The following TTC12 variants were observed in gnomAD, a reference collection of about 807,000 sequenced individuals.
TTC12 encodes tetratricopeptide repeat protein 12.
A neutral mutation model predicts 90.1 loss-of-function variants in TTC12; 70 were observed. The ratio of observed to expected loss-of-function variants is 0.78; its 90% CI spans 0.64 to 0.95. TTC12 has a LOEUF of 0.95. Ranked by LOEUF, TTC12 falls within the 40% of genes least tolerant of loss-of-function variation. TTC12 has a pLI of 0.00. For missense variants in TTC12, 819 were observed against 846.1 expected (o/e 0.97, Z 0.40); for synonymous variants, 296 against 311.5 (o/e 0.95, Z 0.53).
chr11:113,351,968 G>A (rs1258523119), intron 15 of TTC12, 102 bp from the exon 16 acceptor site: 1 of 1,356,210 alleles, frequency 7.4e-7, no homozygotes. Flanking sequence ...AAGCTATCTG[G>A]TTGGTTCGTG....
intron 6 of TTC12, among the ~76,000 whole-genome samples, chr11:113,328,193 G>A (rs564210292): frequency 4.7e-4 from 71 of 152,270 alleles, no homozygotes; most frequent in East Asian, 2.7e-3. Context: ...CTATCCTTTC[G>A]TACAAATGGG....
chr11:113,360,936 A>G (rs558462812), intron 18 of TTC12, among the ~76,000 whole-genome samples: 17 of 152,352 alleles, frequency 1.1e-4, no homozygotes, highest in African/African-American at 1.4e-4. Context: ...AAAGAGGTCT[A>G]TGACCCCCAA....
chr11:113,364,725 T>G (rs1453786195), intron 20 of TTC12, 110 bp from the exon 21 acceptor site: 1 of 802,540 alleles, frequency 1.2e-6, no homozygotes, highest in African/African-American at 1.7e-5. Flanking sequence ...GCAGAGTTAC[T>G]GGGGAAGCTC....
intron 17 of TTC12, 38 bp from the exon 18 acceptor site, chr11:113,359,902 A>T (rs1555154056): frequency 6.6e-7 from 1 of 1,525,028 alleles, no homozygotes; most frequent in East Asian, 2.3e-5. Context: ...ATTGTCAGAA[A>T]ATTAAAATCT....
downstream of TTC12, among the ~76,000 whole-genome samples, chr11:113,370,224 A>G (rs1471543068): frequency 6.6e-6 from 1 of 152,234 alleles, no homozygotes; most frequent in African/African-American, 2.4e-5. Flanking sequence ...CTTTGCAAAC[A>G]GATACTCCTC....
At chr11:113,346,576 G>C (rs1297594495) in intron 13 of TTC12, among the ~76,000 whole-genome samples, 1 of 151,890 alleles carries the variant, frequency 6.6e-6, no homozygotes, top group Non-Finnish European at 1.5e-5. Context: ...ATACCAGCTG[G>C]ATCGGTCCCT....
At chr11:113,341,981 G>T in intron 12 of TTC12, 56 bp downstream of exon 12, 2 of 1,460,612 alleles carry the variant, frequency 1.4e-6, no homozygotes, top group Non-Finnish European at 1.9e-6. Context: ...CAGGAACTAC[G>T]CTGTTGGGTG....
At chr11:113,323,226 T>G (rs1947458437) in intron 2 of TTC12, 62 bp from the exon 3 acceptor site, 1 of 1,318,112 alleles carries the variant, frequency 7.6e-7, no homozygotes, top group African/African-American at 1.5e-5. Flanking sequence ...CACCATCCTT[T>G]CTAGTGAATA....
intron 16 of TTC12, among the ~76,000 whole-genome samples, chr11:113,356,149 A>G (rs782554353): frequency 1.3e-5 from 2 of 152,242 alleles, no homozygotes; most frequent in African/African-American, 4.8e-5. Context: ...TATTTAGGAT[A>G]GTTAGATCTT....
chr11:113,320,261 C>T (rs1300375574), intron 2 of TTC12, among the ~76,000 whole-genome samples: 2 of 152,138 alleles, frequency 1.3e-5, no homozygotes, highest in East Asian at 1.9e-4. Flanking sequence ...TTTCTGTTTT[C>T]GTGCCCAAAA....
At position 113,340,702 on chromosome 11, in the gene TTC12, A is replaced by T. The variant is rs567981987; in HGVS notation, c.865A>T (p.Ser289Cys). 5.6e-6 allele frequency: 9 copies of T among 1,614,158 alleles called. No homozygotes were observed. In the African/African-American group the frequency reaches 9.3e-5, roughly 17 times the overall value. ...QTLFRMHNGF[S>C]IISDNEVIRR... ...TTTATTCAGAATGCACAATGGATTT[A>T]GTATCATCAGTGACAACGAGGTCAT... Residue 289 changes from serine (S) to cysteine (C), a missense_variant, in exon 11 of 22, where the codon AGT becomes TGT. Ser to Cys is a moderately radical substitution (Grantham distance 112). Coordinates refer to ENST00000529221, the MANE Select transcript of TTC12 (RefSeq NM_017868.4).
intron 2 of TTC12, among the ~76,000 whole-genome samples, chr11:113,321,801 C>T (rs961039595): frequency 2.0e-5 from 3 of 152,182 alleles, no homozygotes; most frequent in African/African-American, 7.2e-5. Flanking sequence ...CACACTTACC[C>T]GGGTTGCTTG....
chr11:113,318,302 G>A (rs1947079806), intron 2 of TTC12, among the ~76,000 whole-genome samples: 2 of 152,158 alleles, frequency 1.3e-5, no homozygotes, highest in Non-Finnish European at 2.9e-5. Context: ...TAGGGCTGCT[G>A]TAACAAAATA....
chr11:113,345,902 T>C (rs189155416), intron 13 of TTC12, among the ~76,000 whole-genome samples: 3 of 152,158 alleles, frequency 2.0e-5, no homozygotes, highest in African/African-American at 7.2e-5. Context: ...GTGGCGTTCA[T>C]GATCACCTCG....
chr11:113,371,518 TA>T (rs375714736), intron 21 of TTC12: 114 of 152,246 alleles, frequency 7.5e-4, no homozygotes, highest in African/African-American at 2.4e-3. Flanking sequence ...ATTCATTGTC[TA>T]AATACAATTA....
chr11:113,343,671 G>T (rs1404285470), intron 12 of TTC12, among the ~76,000 whole-genome samples: 1 of 152,180 alleles, frequency 6.6e-6, no homozygotes, highest in Non-Finnish European at 1.5e-5. Flanking sequence ...TCATACTGCA[G>T]TCTGTACCCT....
downstream of TTC12, among the ~76,000 whole-genome samples, chr11:113,366,569 G>A (rs1407014586): frequency 2.0e-5 from 3 of 152,170 alleles, no homozygotes; most frequent in African/African-American, 4.8e-5. Context: ...CTCACAAAAA[G>A]CCACATTGCC....
intron 2 of TTC12, among the ~76,000 whole-genome samples, chr11:113,317,468 C>T (rs1286595393): frequency 2.0e-5 from 3 of 152,102 alleles, no homozygotes; most frequent in Non-Finnish European, 2.9e-5. Flanking sequence ...GAGAGCCATC[C>T]TCTCCAGCCC....
At position 113,334,250 on chromosome 11, in the gene TTC12, G is replaced by A. The variant is rs636149; in HGVS notation, c.505-716G>A. Among the ~76,000 whole-genome samples the A allele has an allele frequency of 1.6e-3, 243 of 152,170 alleles. 6 individuals are homozygous for A. Among genetic ancestry groups the A allele is most frequent in the Non-Finnish European group, 1.6e-3 (108 of 68,028 alleles). ...ATCAACTGGATGTCTTAGATTTAGC[G>A]TATGTCTCTGTCAAATCATTCCCTG... On this transcript the variant is annotated intron_variant, in intron 7 of 21. Transcript: ENST00000529221.
Sources: allele counts gnomAD v4.1 joint callset (sites outside exome capture counted in the v4.1 genomes callset), GRCh38; gene constraint gnomAD v4.1.1; transcripts MANE v1.5; gene names NCBI Gene and HGNC (gene_info 2026-07-23, HGNC 2026-07-21).